Variants in PTPRM observed in about 807,000 individuals in gnomAD.
PTPRM encodes the protein receptor-type tyrosine-protein phosphatase mu.
In PTPRM, 47 loss-of-function variants were observed where a neutral mutation model predicts 186.7. That is an observed-to-expected ratio of 0.25 (90% CI 0.20 to 0.32). PTPRM has a LOEUF of 0.32. PTPRM is among the 10% of genes least tolerant of loss of function. The pLI is 1.00. For synonymous variants in PTPRM, 668 were observed against 674.9 expected, an observed-to-expected ratio of 0.99 and a Z score of 0.16; for missense variants, 1,494 against 1,865.0, an observed-to-expected ratio of 0.80 and a Z score of 3.66.
At chr18:8,311,935 C>G (rs897724368) in intron 20 of PTPRM, among the ~76,000 whole-genome samples, 3 of 152,114 alleles carry the variant, frequency 2.0e-5, no homozygotes, top group African/African-American at 7.2e-5. Context: ...CTGAGGAGCT[C>G]AGAGAATTCA....
chr18:8,346,371 CT>C (rs2095505153), intron 23 of PTPRM, among the ~76,000 whole-genome samples: 1 of 152,254 alleles, frequency 6.6e-6, no homozygotes, highest in South Asian at 2.1e-4. Context: ...CTCCTCCTGG[CT>C]TTCATGTGGC....
intron 19 of PTPRM, among the ~76,000 whole-genome samples, chr18:8,281,251 GCCTTT>G (rs2094900430): frequency 6.6e-6 from 1 of 152,184 alleles, no homozygotes; most frequent in Non-Finnish European, 1.5e-5. Flanking sequence ...CTCCTTCTCA[GCCTTT>G]CCTGTGCATT....
At chr18:8,151,430 G>A (rs2093002658) in intron 14 of PTPRM, among the ~76,000 whole-genome samples, 1 of 151,656 alleles carries the variant, frequency 6.6e-6, no homozygotes, top group Non-Finnish European at 1.5e-5. Context: ...TACTATGAGG[G>A]GAAAACCGCC....
At chr18:8,380,543 T>C in intron 29 of PTPRM, 116 bp downstream of exon 29, 2 of 1,276,740 alleles carry the variant, frequency 1.6e-6, no homozygotes, top group Non-Finnish European at 2.2e-6. Flanking sequence ...CAAGTGCCAG[T>C]TGAAGTTGAG....
chr18:7,574,600 A>G (rs935989140), intron 1 of PTPRM, among the ~76,000 whole-genome samples: 1 of 152,268 alleles, frequency 6.6e-6, no homozygotes, highest in Non-Finnish European at 1.5e-5. Flanking sequence ...TAAAATTTCA[A>G]AATCTACTAA....
At chr18:8,267,647 A>C (rs2094717700) in intron 19 of PTPRM, among the ~76,000 whole-genome samples, 1 of 152,208 alleles carries the variant, frequency 6.6e-6, no homozygotes, top group Non-Finnish European at 1.5e-5. Context: ...ATGTATTTCA[A>C]GAGATGAAAT....
chr18:7,894,533 C>T (rs1373681246), intron 3 of PTPRM, among the ~76,000 whole-genome samples: 1 of 151,888 alleles, frequency 6.6e-6, no homozygotes, highest in Non-Finnish European at 1.5e-5. Flanking sequence ...TTGCAGTGAG[C>T]CGAGATTGCG....
intron 14 of PTPRM, among the ~76,000 whole-genome samples, chr18:8,169,848 A>G (rs946781573): frequency 1.3e-5 from 2 of 152,194 alleles, no homozygotes; most frequent in Admixed American, 1.3e-4. Context: ...TTCTGAAACA[A>G]CAGTGTAAGT....
intron 1 of PTPRM, among the ~76,000 whole-genome samples, chr18:7,676,458 TA>T (rs900071654): frequency 2.6e-5 from 4 of 152,138 alleles, no homozygotes; most frequent in African/African-American, 9.7e-5. Context: ...AGGACAGCTG[TA>T]AAGGAGCAGC....
At chr18:7,627,553 T>TG (rs1431286308) in intron 1 of PTPRM, among the ~76,000 whole-genome samples, 2 of 152,106 alleles carry the variant, frequency 1.3e-5, no homozygotes, top group Non-Finnish European at 2.9e-5. Context: ...GAGGGAGATT[T>TG]GGGGACACAG....
chr18:8,184,301 G>A (rs1375462683), intron 14 of PTPRM, among the ~76,000 whole-genome samples: 1 of 149,674 alleles, frequency 6.7e-6, no homozygotes, highest in Non-Finnish European at 1.5e-5. Context: ...TCACTGATTG[G>A]TTTGATGTGT....
intron 14 of PTPRM, among the ~76,000 whole-genome samples, chr18:8,177,212 C>T (rs2093497929): frequency 6.6e-6 from 1 of 152,188 alleles, no homozygotes; most frequent in South Asian, 2.1e-4. Context: ...TCTCAGCCAA[C>T]CATTCAACCA....
At chr18:7,597,202 G>A (rs181919711) in intron 1 of PTPRM, among the ~76,000 whole-genome samples, 1 of 152,188 alleles carries the variant, frequency 6.6e-6, no homozygotes, top group Non-Finnish European at 1.5e-5. Flanking sequence ...ACTTAACTGT[G>A]TGCACATGTG....
At chr18:7,922,981 C>A (rs2050954665) in intron 4 of PTPRM, among the ~76,000 whole-genome samples, 1 of 152,056 alleles carries the variant, frequency 6.6e-6, no homozygotes, top group Non-Finnish European at 1.5e-5. Context: ...TGGGGGCTAT[C>A]CTGCACATTT....
chr18:8,165,167 CAAA>C (rs59978316), intron 14 of PTPRM, among the ~76,000 whole-genome samples: 11 of 103,268 alleles, frequency 1.1e-4, no homozygotes, highest in African/African-American at 1.2e-4. Context: ...GACTCCATCT[CAAA>C]AAAAAAAAAA....
At chr18:7,842,617 A>G (rs566223220) in intron 2 of PTPRM, among the ~76,000 whole-genome samples, 3 of 152,204 alleles carry the variant, frequency 2.0e-5, no homozygotes, top group Non-Finnish European at 4.4e-5. Flanking sequence ...CATTCAATCA[A>G]TTGAAAGCTT....
rs2146083068 is a variant in PTPRM at position 8,140,729 on chromosome 18, T to C, written c.2168-2918T>C. On this transcript the variant is annotated intron_variant, in intron 13 of 32. Coordinates refer to ENST00000580170, the MANE Select transcript of PTPRM (RefSeq NM_001105244.2). The stretch of plus-strand genomic sequence containing the variant: ...ACTGATAAATGGACACATGCAAGTT[T>C]ATTCTCTTCAAAAGGAACTAAATGC... Among the ~76,000 whole-genome samples the C allele has an allele frequency of 2.6e-5, 4 of 152,238 alleles. 1 individual carries two copies. The East Asian group carries it at 7.7e-4, about 29-fold the overall frequency.
At chr18:7,771,058 T>C (rs2042248662) in intron 1 of PTPRM, among the ~76,000 whole-genome samples, 3 of 152,208 alleles carry the variant, frequency 2.0e-5, no homozygotes. Context: ...GGCACCAGTG[T>C]TGTATTAGTC....
chr18:7,623,421 G>T (rs758450508), intron 1 of PTPRM, among the ~76,000 whole-genome samples: 1 of 152,046 alleles, frequency 6.6e-6, no homozygotes, highest in Non-Finnish European at 1.5e-5. Flanking sequence ...ACGTATATAT[G>T]TATTATACAT....
Sources: gnomAD v4.1 joint callset for allele counts (sites outside exome capture counted in the v4.1 genomes callset) on GRCh38, gnomAD v4.1.1 for gene constraint, MANE v1.5 for transcripts, NCBI Gene and HGNC (gene_info 2026-07-23, HGNC 2026-07-21) for gene names.